PRSS56: variants seen among roughly 807,000 people sequenced by gnomAD.
PRSS56 encodes protease, serine 56.
Under a neutral mutation model 66.8 loss-of-function variants are expected in PRSS56, and 55 were observed. That is an observed-to-expected ratio of 0.82 (90% CI 0.66 to 1.03). The LOEUF is 1.03. Ranked by LOEUF, PRSS56 falls within the 50% of genes least tolerant of loss-of-function variation. The probability of loss-of-function intolerance (pLI) is 0.00; values close to 1 mark genes in which losing one functional copy is unlikely to be tolerated. For missense variants in PRSS56, 869 were observed against 837.2 expected (o/e 1.04, Z -0.47); for synonymous variants, 409 against 387.9 (o/e 1.05, Z -0.64).
In PRSS56 at chr2:232,525,615, T is replaced by G; in HGVS notation, c.*109T>G. On this transcript the variant is annotated 3_prime_UTR_variant, in exon 13 of 13. Coordinates refer to ENST00000617714, the MANE Select transcript of PRSS56 (RefSeq NM_001195129.2). ...CGCTGCCCCAGTGGCTGGGTGTGTG[T>G]GGGTGGGATGGGGTGGGGGTCCTGG... 3.4e-6 allele frequency: 1 copy of G among 291,342 alleles called. No individual in the cohort carries two copies. Among genetic ancestry groups the G allele is most frequent in the South Asian group, 2.8e-5 (1 of 35,830 alleles). 18.0% of individuals were successfully genotyped at this position (291,342 alleles called of 1,614,324 possible). A position where few individuals can be genotyped will look rare whatever the true frequency, so the allele number is the denominator to read the frequency against.
In PRSS56 at chr2:232,523,895, C is replaced by CCTT; in HGVS notation, c.1138_1139insTCT (p.Ala379_Cys380insPhe). 6.6e-7 allele frequency: 1 copy of CCTT among 1,521,228 alleles called. No homozygotes were observed. The highest frequency in any genetic ancestry group is 1.2e-5 in the South Asian group (1 of 82,764). 94.2% of individuals were successfully genotyped at this position (1,521,228 alleles called of 1,614,324 possible). On this transcript the variant is annotated inframe_insertion, in exon 9 of 13. Transcript: ENST00000617714. ...CGCCTGTGCCCGGGGTCCCAGGGCGCCTGTGCGCGCCTGGCGCACCAGCAG... is the reference window on the plus strand; with the variant it reads ...CGCCTGTGCCCGGGGTCCCAGGGCGCCTTCTGTGCGCGCCTGGCGCACCAGCAG...
At chr2:232,520,895 C>T (rs1250923746) in intron 1 of PRSS56, among the ~76,000 whole-genome samples, 200 bp downstream of exon 1, 2 of 152,008 alleles carry the variant, frequency 1.3e-5, no homozygotes, top group African/African-American at 4.8e-5. Context: ...GGAAGGGGAG[C>T]TGTTGAGCAT....
intron 1 of PRSS56, 133 bp downstream of exon 1, chr2:232,520,828 G>T (rs1349979538): frequency 8.3e-6 from 5 of 599,378 alleles, no homozygotes; most frequent in Non-Finnish European, 1.5e-5. Context: ...CCACCCTGCT[G>T]CGAGAAGGGG....
rs1212619677 is a variant in PRSS56 at position 232,523,421 on chromosome 2, C to T, written c.855C>T (p.Asp285=). The T allele has an allele frequency of 6.9e-7, 1 of 1,444,020 alleles. No individual in the cohort carries two copies. The allele number at this position is 1,444,020 out of a possible 1,614,324, so 89.5% of individuals were successfully genotyped here. ...LAGGVDSCQG[D]SGGPLTCSEP... ...CCTCTCTCTTGGCCCCGCAGGGTGACTCGGGAGGCCCCCTGACCTGTTCTG... is the reference window on the plus strand; with the variant it reads ...CCTCTCTCTTGGCCCCGCAGGGTGATTCGGGAGGCCCCCTGACCTGTTCTG... The change falls in exon 8 of 13, where the codon GAC becomes GAT. Residue 285 remains aspartate, a synonymous_variant. Coordinates refer to ENST00000617714, the MANE Select transcript of PRSS56 (RefSeq NM_001195129.2).
rs61744404 is a variant in PRSS56 at position 232,525,489 on chromosome 2, C to G, written c.1795C>G (p.Pro599Ala). 89,187 of 1,495,064 alleles carry G rather than the reference C, an allele frequency of 0.06. 3,010 individuals carry two copies. Among genetic ancestry groups the G allele is most frequent in the Middle Eastern group, 0.079 (406 of 5,116 alleles). The allele number at this position is 1,495,064 out of a possible 1,614,324, so 92.6% of individuals were successfully genotyped here. Reference protein sequence around the residue: ...GHHPLNPQVPPARQP With the variant: ...GHHPLNPQVPAARQP ...CCACCCACTCAACCCTCAGGTACCCCCCGCCAGGCAACCCTGAGCCATGTC... is the reference window on the plus strand; with the variant it reads ...CCACCCACTCAACCCTCAGGTACCCGCCGCCAGGCAACCCTGAGCCATGTC... The change falls in exon 13 of 13, where the codon CCC becomes GCC. Residue 599 changes from proline to alanine, a missense_variant. This residue lies in a region of PRSS56 where 551 missense variants were observed against 506.9 expected (regional missense o/e 1.09). Transcript: ENST00000617714.
rs1388711025 is a variant in PRSS56 at position 232,522,170 on chromosome 2, A to C, written c.446+10A>C. On this transcript the variant is annotated intron_variant, in intron 4 of 12. Coordinates refer to ENST00000617714, the MANE Select transcript of PRSS56 (RefSeq NM_001195129.2). ...CGCACTGCTTTGTAGGGTAAGTAGG[A>C]CCCCCAGGCCTTGCCCAGCTGGGGT... The C allele has an allele frequency of 2.0e-6, 3 of 1,477,584 alleles. No individual in the cohort carries two copies. Among genetic ancestry groups the C allele is most frequent in the Non-Finnish European group, 1.8e-6 (2 of 1,118,576 alleles). 91.5% of individuals were successfully genotyped at this position (1,477,584 alleles called of 1,614,324 possible).
chr2:232,523,670 G>T (rs1181946987), intron 8 of PRSS56, 92 bp downstream of exon 8: 1 of 1,515,178 alleles, frequency 6.6e-7, no homozygotes, highest in Non-Finnish European at 8.8e-7. Flanking sequence ...CCCATTCCCA[G>T]CTCCCTTCTG....
chr2:232,524,418 G>C lies in PRSS56; in HGVS notation c.1414+49G>C, dbSNP rs540497355. The C allele has an allele frequency of 1.3e-4, 196 of 1,509,468 alleles. 1 individual carries two copies. In the African/African-American group the frequency reaches 2.4e-3, roughly 19 times the overall value. The allele number at this position is 1,509,468 out of a possible 1,614,324, so 93.5% of individuals were successfully genotyped here. A position where few individuals can be genotyped will look rare whatever the true frequency, so the allele number is the denominator to read the frequency against. ...TCAGGAGGGGATAGGCTGAGGGCCT[G>C]GACGAGGTCGGAAGCGCTTCTACTG... is the stretch of plus-strand genomic sequence containing the variant. On this transcript the variant is annotated intron_variant, in intron 11 of 12. Coordinates refer to ENST00000617714, the MANE Select transcript of PRSS56 (RefSeq NM_001195129.2).
In PRSS56 at chr2:232,521,336, G is replaced by T; in HGVS notation, c.113G>T (p.Gly38Val). 1.3e-6 allele frequency: 2 copies of T among 1,536,066 alleles called. No individual in the cohort carries two copies. The highest frequency in any genetic ancestry group is 4.9e-5 in the East Asian group (2 of 40,906). The change falls in exon 2 of 13, where the codon GGG becomes GTG. Residue 38 changes from glycine (G) to valine (V), a missense_variant. By Grantham distance (109) the Gly-to-Val change is moderately radical (BLOSUM62 -3). Coordinates refer to ENST00000617714, the MANE Select transcript of PRSS56 (RefSeq NM_001195129.2). ...PSALQVLSAQ[G>V]TQALQAAQRS... ...GTCCCAGCAGTTCTGTCGGCCCAGGGGACTCAGGCGTTGCAGGCAGCCCAG... is the reference window on the plus strand; with the variant it reads ...GTCCCAGCAGTTCTGTCGGCCCAGGTGACTCAGGCGTTGCAGGCAGCCCAG...
In PRSS56 at chr2:232,525,464, C is replaced by T; in HGVS notation, c.1770C>T (p.His590=). 1 of 1,517,874 alleles carries T rather than the reference C, an allele frequency of 6.6e-7. No individual in the cohort carries two copies. The highest frequency in any genetic ancestry group is 8.8e-7 in the Non-Finnish European group (1 of 1,135,072). 94.0% of individuals were successfully genotyped at this position (1,517,874 alleles called of 1,614,324 possible). ...GQGPGLERKG[H]HPLNPQVPPA... is the part of the protein sequence containing the mutation. Reference sequence around the variant, plus strand: ...GGCCCGGGCTGGAGAGGAAGGGGCACCACCCACTCAACCCTCAGGTACCCC... The same window carrying T: ...GGCCCGGGCTGGAGAGGAAGGGGCATCACCCACTCAACCCTCAGGTACCCC... The change falls in exon 13 of 13, where the codon CAC becomes CAT. Residue 590 remains histidine (H), a synonymous_variant. Transcript: ENST00000617714.
rs1395128924 is a variant in PRSS56, at chr2:232,522,286, C to T, written c.446+126C>T. On this transcript the variant is annotated intron_variant, in intron 4 of 12. Coordinates refer to ENST00000617714, the MANE Select transcript of PRSS56 (RefSeq NM_001195129.2). Reference sequence around the variant, plus strand: ...GCTGCCCCCTGGCGGCGGCCGGCCCCGGGCTTCCCCATCTCAAGGCGCCGC... The same window carrying T: ...GCTGCCCCCTGGCGGCGGCCGGCCCTGGGCTTCCCCATCTCAAGGCGCCGC... 13 of 1,004,858 alleles carry T rather than the reference C, an allele frequency of 1.3e-5. No individual in the cohort carries two copies. The South Asian group carries it at 2.6e-4, about 20-fold the overall frequency. 62.2% of individuals were successfully genotyped at this position (1,004,858 alleles called of 1,614,324 possible).
chr2:232,524,390 C>T, intron 11 of PRSS56, 21 bp downstream of exon 11: 1 of 1,532,986 alleles, frequency 6.5e-7, no homozygotes, highest in Non-Finnish European at 8.7e-7. Flanking sequence ...CCCCTGCCGA[C>T]CTTCAGGAGG....
chr2:232,524,915 A>G, intron 12 of PRSS56, 71 bp downstream of exon 12: 6 of 1,261,678 alleles, frequency 4.8e-6, no homozygotes, highest in Non-Finnish European at 6.7e-6. Context: ...GGGAAGATGC[A>G]GAGGGCCCAG....
chr2:232,522,255 G>A, intron 4 of PRSS56, 95 bp downstream of exon 4: 1 of 1,193,086 alleles, frequency 8.4e-7, no homozygotes, highest in Non-Finnish European at 1.1e-6. Flanking sequence ...GGGAAAGGTG[G>A]TCTCTGCTGC....
chr2:232,520,568 CA>C lies in PRSS56; in HGVS notation c.-30del, dbSNP rs1202296474. Reference sequence around the variant, plus strand: ...GGTGGACTCCGAGGAGGAGAGAGGACAGGGGTCTCTCACCCCAGCTCCTGGT... The same window carrying C: ...GGTGGACTCCGAGGAGGAGAGAGGACGGGGTCTCTCACCCCAGCTCCTGGT... On this transcript the variant is annotated 5_prime_UTR_variant, in exon 1 of 13. Coordinates refer to ENST00000617714, the MANE Select transcript of PRSS56 (RefSeq NM_001195129.2). 4 of 1,513,400 alleles carry C rather than the reference CA, an allele frequency of 2.6e-6. No individual in the cohort carries two copies. The East Asian group carries it at 7.4e-5, about 28-fold the overall frequency. The allele number at this position is 1,513,400 out of a possible 1,614,324, so 93.7% of individuals were successfully genotyped here. A position where few individuals can be genotyped will look rare whatever the true frequency, so the allele number is the denominator to read the frequency against.
Position 232,522,027 on chromosome 2 carries a change from A to C in PRSS56, c.313A>C (p.Ile105Leu), listed in dbSNP as rs1691289279. The C allele has an allele frequency of 5.5e-6, 8 of 1,460,978 alleles. No homozygotes were observed. Among genetic ancestry groups the C allele is most frequent in the Non-Finnish European group, 7.2e-6 (8 of 1,113,424 alleles). 90.5% of individuals were successfully genotyped at this position (1,460,978 alleles called of 1,614,324 possible). Residue 105 changes from isoleucine (I) to leucine (L), a missense_variant, in exon 4 of 13, where the codon ATC (isoleucine) becomes CTC (leucine). Around this residue, in one of 3 missense-constraint regions of PRSS56, gnomAD observed 315 missense variants for 313.7 expected, o/e 1.00. Coordinates refer to ENST00000617714, the MANE Select transcript of PRSS56 (RefSeq NM_001195129.2). ...CAATGTGACGCGGGCCCACGGCCGCATCGTGGGGGGCAGCGCGGCGCCGCC... is the reference window on the plus strand; with the variant it reads ...CAATGTGACGCGGGCCCACGGCCGCCTCGTGGGGGGCAGCGCGGCGCCGCC... ...TANVTRAHGR[I>L]VGGSAAPPGA...
At chr2:232,524,672 G>T (rs2106203201) in intron 11 of PRSS56, 66 bp from the exon 12 acceptor site, 2 of 1,160,372 alleles carry the variant, frequency 1.7e-6, no homozygotes, top group Admixed American at 2.3e-5. Context: ...GGTGCTGGTG[G>T]GAGTGCCACC....
intron 11 of PRSS56, 84 bp from the exon 12 acceptor site, chr2:232,524,654 C>T: frequency 3.1e-6 from 3 of 969,034 alleles, no homozygotes; most frequent in South Asian, 1.7e-5. Flanking sequence ...CCTGGGAGGC[C>T]ATCCTGAGGT....
Position 232,523,128 on chromosome 2 carries a change from G to C in PRSS56, c.775G>C (p.Ala259Pro). The part of the protein sequence containing the change: ...PLLSTDTCRR[A>P]LGPGLRPSTM... Reference sequence around the variant, plus strand: ...GCTCAGCACCGACACCTGCCGAAGAGCCCTGGGGCCCGGGCTGCGCCCCAG... The same window carrying C: ...GCTCAGCACCGACACCTGCCGAAGACCCCTGGGGCCCGGGCTGCGCCCCAG... The change falls in exon 7 of 13, where the codon GCC (alanine) becomes CCC (proline). Residue 259 changes from alanine (A) to proline (P), a missense_variant. Transcript: ENST00000617714. 6.5e-7 allele frequency: 1 copy of C among 1,533,904 alleles called. No individual in the cohort carries two copies. Among genetic ancestry groups the C allele is most frequent in the Non-Finnish European group, 8.7e-7 (1 of 1,145,704 alleles).
Sources: allele counts gnomAD v4.1 joint callset (sites outside exome capture counted in the v4.1 genomes callset), GRCh38; gene constraint gnomAD v4.1.1; regional missense constraint gnomAD v4.1.1; transcripts MANE v1.5; gene names NCBI Gene and HGNC (gene_info 2026-07-23, HGNC 2026-07-21).